The following EXT1 variants were observed in gnomAD, a reference collection of about 807,000 sequenced individuals.
EXT1 encodes exostosin glycosyltransferase 1.
A neutral mutation model predicts 82.5 loss-of-function variants in EXT1; 20 were observed. The ratio of observed to expected loss-of-function variants is 0.24; its 90% CI spans 0.17 to 0.35. The LOEUF is 0.35. Ranked by LOEUF, EXT1 falls within the 10% of genes least tolerant of loss-of-function variation. The pLI, the probability that EXT1 is intolerant of heterozygous loss-of-function variation, is 1.00. For synonymous variants in EXT1, 348 were observed against 350.8 expected, an observed-to-expected ratio of 0.99 and a Z score of 0.09; for missense variants, 757 against 936.5, an observed-to-expected ratio of 0.81 and a Z score of 2.50.
intron 1 of EXT1, among the ~76,000 whole-genome samples, chr8:117,897,736 A>T (rs1450174227): frequency 6.6e-6 from 1 of 151,312 alleles, no homozygotes; most frequent in Non-Finnish European, 1.5e-5. Flanking sequence ...CTGGGATTAC[A>T]GGCGCGTACA....
At chr8:117,830,151 C>G in intron 4 of EXT1, 79 bp downstream of exon 4, 1 of 1,593,452 alleles carries the variant, frequency 6.3e-7, no homozygotes. Flanking sequence ...ATCACACATC[C>G]CTAATAGCAA....
intron 1 of EXT1, among the ~76,000 whole-genome samples, chr8:117,977,335 C>T (rs1215886188): frequency 6.7e-6 from 1 of 149,704 alleles, no homozygotes; most frequent in Non-Finnish European, 1.5e-5. Flanking sequence ...TACAGCGAGC[C>T]GTGATTGTGC....
intron 1 of EXT1, among the ~76,000 whole-genome samples, chr8:117,884,034 CTT>C (rs1348233781): frequency 6.6e-6 from 1 of 152,080 alleles, no homozygotes. Flanking sequence ...AATCTTTTCT[CTT>C]TGTGTCTTCA....
At chr8:117,828,802 G>C (rs1413817705) in intron 4 of EXT1, among the ~76,000 whole-genome samples, 5 of 152,076 alleles carry the variant, frequency 3.3e-5, no homozygotes, top group Admixed American at 3.3e-4. Context: ...CCCAGTTCCA[G>C]GATGAAAAAA....
chr8:117,892,890 G>T (rs1813271208), intron 1 of EXT1, among the ~76,000 whole-genome samples: 1 of 152,252 alleles, frequency 6.6e-6, no homozygotes, highest in African/African-American at 2.4e-5. Flanking sequence ...GGAACTCAGA[G>T]AAAAGGCTCG....
At chr8:117,831,117 G>A (rs1233570638) in intron 3 of EXT1, among the ~76,000 whole-genome samples, 7 of 152,148 alleles carry the variant, frequency 4.6e-5, no homozygotes, top group Admixed American at 6.5e-5. Flanking sequence ...CCACAGGGAC[G>A]TCATTATTTT....
At chr8:117,889,771 A>G (rs1813209803) in intron 1 of EXT1, among the ~76,000 whole-genome samples, 2 of 152,202 alleles carry the variant, frequency 1.3e-5, no homozygotes, top group Admixed American at 1.3e-4. Flanking sequence ...ATATTATGGA[A>G]GGAAAGCAAT....
intron 1 of EXT1, among the ~76,000 whole-genome samples, chr8:117,838,154 T>C (rs934890420): frequency 2.6e-5 from 4 of 152,230 alleles, no homozygotes; most frequent in African/African-American, 9.6e-5. Flanking sequence ...ATGGCTCATG[T>C]CCTGTAAAGG....
At chr8:118,047,988 T>C (rs1325539431) in intron 1 of EXT1, among the ~76,000 whole-genome samples, 1 of 151,212 alleles carries the variant, frequency 6.6e-6, no homozygotes, top group Non-Finnish European at 1.5e-5. Flanking sequence ...ATCATACCAC[T>C]GCACTCTGGC....
At chr8:117,858,165 C>A (rs1812597973) in intron 1 of EXT1, among the ~76,000 whole-genome samples, 2 of 152,178 alleles carry the variant, frequency 1.3e-5, no homozygotes, top group African/African-American at 2.4e-5. Context: ...GGAATGATAA[C>A]AAAGGACTTA....
At chr8:118,108,275 A>T (rs1817833960) in intron 1 of EXT1, among the ~76,000 whole-genome samples, 1 of 152,212 alleles carries the variant, frequency 6.6e-6, no homozygotes. Flanking sequence ...CCTAAGCTGA[A>T]ATCTCAGCTT....
At chr8:117,963,636 A>G (rs1814748124) in intron 1 of EXT1, among the ~76,000 whole-genome samples, 1 of 152,058 alleles carries the variant, frequency 6.6e-6, no homozygotes, top group Admixed American at 6.6e-5. Context: ...GATTACAGGA[A>G]GACACCACAC....
chr8:117,834,497 C>T (rs772194703), intron 3 of EXT1, among the ~76,000 whole-genome samples: 57 of 152,056 alleles, frequency 3.7e-4, no homozygotes, highest in Non-Finnish European at 6.3e-4. Context: ...CCCAGCTCCT[C>T]GGGAGGCTGA....
intron 1 of EXT1, among the ~76,000 whole-genome samples, chr8:117,976,217 G>A (rs900488246): frequency 1.3e-5 from 2 of 152,098 alleles, no homozygotes; most frequent in Non-Finnish European, 1.5e-5. Flanking sequence ...CTATTATCTT[G>A]CATTAAAAAT....
chr8:117,992,807 G>A (rs1008641860), intron 1 of EXT1, among the ~76,000 whole-genome samples: 5 of 152,220 alleles, frequency 3.3e-5, no homozygotes, highest in African/African-American at 4.8e-5. Context: ...TCCGTGGCAT[G>A]GGAACAGACA....
intron 1 of EXT1, among the ~76,000 whole-genome samples, chr8:117,841,474 C>T (rs1286162746): frequency 1.3e-5 from 2 of 152,136 alleles, no homozygotes; most frequent in Non-Finnish European, 2.9e-5. Flanking sequence ...CTAATTCTCC[C>T]TCGTTTCTTA....
At chr8:117,811,675 G>T (rs1479549444) in intron 8 of EXT1, among the ~76,000 whole-genome samples, 1 of 150,492 alleles carries the variant, frequency 6.6e-6, no homozygotes, top group Non-Finnish European at 1.5e-5. Context: ...GGAGTGCAAT[G>T]GTACGATGTC....
chr8:117,986,195 T>TCTTTTCTTTTC (rs11406378), intron 1 of EXT1, among the ~76,000 whole-genome samples: 18 of 147,166 alleles, frequency 1.2e-4, no homozygotes, highest in South Asian at 2.1e-4. Flanking sequence ...TTCTTTTTTT[T>TCTTTTCTTTTC]TTTTTTTTTT....
At chr8:118,068,335 T>C (rs1211688305) in intron 1 of EXT1, among the ~76,000 whole-genome samples, 9 of 152,228 alleles carry the variant, frequency 5.9e-5, no homozygotes, top group Admixed American at 5.9e-4. Context: ...TTTTGTTTGT[T>C]TTAGGTTCCA....
Sources: gnomAD v4.1 joint callset for allele counts (sites outside exome capture counted in the v4.1 genomes callset) on GRCh38, gnomAD v4.1.1 for gene constraint, MANE v1.5 for transcripts, NCBI Gene and HGNC (gene_info 2026-07-23, HGNC 2026-07-21) for gene names.